Variants in CRADD observed in about 807,000 individuals in gnomAD.
The protein encoded by CRADD is CARD and death domain containing adaptor protein.
A neutral mutation model predicts 15.5 loss-of-function variants in CRADD; 9 were observed. The observed-to-expected ratio is 0.58, with a 90% CI of 0.35 to 1.01. CRADD has a LOEUF of 1.01. CRADD is among the 50% of genes least tolerant of loss of function. The pLI, the probability that CRADD is intolerant of heterozygous loss-of-function variation, is 0.02. For missense variants in CRADD, 227 were observed against 250.3 expected (o/e 0.91, Z 0.63); for synonymous variants, 118 against 107.6 (o/e 1.10, Z -0.60).
chr12:93,773,397 C>G lies in CRADD; in HGVS notation c.299-76573C>G, dbSNP rs528834994. Among the ~76,000 whole-genome samples, 4 of 152,176 alleles carry G rather than the reference C, an allele frequency of 2.6e-5. No individual in the cohort carries two copies. In the East Asian group the frequency reaches 7.7e-4, roughly 29 times the overall value. On this transcript the variant is annotated intron_variant, in intron 2 of 2. Coordinates refer to ENST00000332896, the MANE Select transcript of CRADD (RefSeq NM_003805.5). ...TGATGATTATATAAGGGGGAGTTTC[C>G]CTGCACAAGCTCTCATCTGGTCTGC...
At chr12:93,733,876 C>T (rs1041819239) in intron 2 of CRADD, among the ~76,000 whole-genome samples, 3 of 151,958 alleles carry the variant, frequency 2.0e-5, no homozygotes, top group Admixed American at 6.6e-5. Context: ...GCTGTTACTA[C>T]AGGCATGCGC....
At chr12:93,683,625 C>T (rs1389193010) in intron 2 of CRADD, among the ~76,000 whole-genome samples, 1 of 152,222 alleles carries the variant, frequency 6.6e-6, no homozygotes, top group East Asian at 1.9e-4. Context: ...CATTTCCCCT[C>T]TACCTGTGGG....
intron 2 of CRADD, among the ~76,000 whole-genome samples, chr12:93,840,146 TAATTGTCAC>T (rs1958030126): frequency 6.6e-6 from 1 of 152,216 alleles, no homozygotes; most frequent in African/African-American, 2.4e-5. Flanking sequence ...TATGGAATTT[TAATTGTCAC>T]AATAGGAATT....
intron 2 of CRADD, among the ~76,000 whole-genome samples, chr12:93,890,763 C>CT (rs571133896): frequency 0.099 from 14,261 of 144,232 alleles, 805 homozygotes; most frequent in African/African-American, 0.13. Context: ...TTCTTTCTTT[C>CT]TTTTTTTTTT....
intron 2 of CRADD, among the ~76,000 whole-genome samples, chr12:93,876,099 A>G (rs1958456422): frequency 1.3e-5 from 2 of 152,112 alleles, no homozygotes; most frequent in South Asian, 4.1e-4. Flanking sequence ...GTAAAAGTGT[A>G]TTTTCTTCTT....
intron 2 of CRADD, among the ~76,000 whole-genome samples, chr12:93,888,860 C>G (rs955465165): frequency 1.3e-5 from 2 of 152,188 alleles, no homozygotes; most frequent in African/African-American, 4.8e-5. Context: ...TCAAGAATGG[C>G]TTCCAGGTTT....
downstream of CRADD, among the ~76,000 whole-genome samples, chr12:93,851,009 C>G (rs78567878): frequency 3.7e-3 from 562 of 152,194 alleles, 3 homozygotes; most frequent in African/African-American, 0.012. Flanking sequence ...AAAGATCGCT[C>G]GAGAAAATCC....
chr12:93,843,582 G>T (rs1958075975), intron 2 of CRADD, among the ~76,000 whole-genome samples: 1 of 151,784 alleles, frequency 6.6e-6, no homozygotes, highest in South Asian at 2.1e-4. Flanking sequence ...GTTTCAGCAT[G>T]TATGCCAGGC....
intron 2 of CRADD, among the ~76,000 whole-genome samples, chr12:93,742,849 C>G (rs1482974446): frequency 1.3e-5 from 2 of 152,128 alleles, no homozygotes; most frequent in East Asian, 1.9e-4. Context: ...TGTGCGGCTC[C>G]AGATCCTGAA....
chr12:93,784,311 CA>C (rs1957248379), intron 2 of CRADD, among the ~76,000 whole-genome samples: 1 of 152,070 alleles, frequency 6.6e-6, no homozygotes, highest in Non-Finnish European at 1.5e-5. Context: ...TATGGTATGA[CA>C]GGCACTGCAC....
intron 2 of CRADD, among the ~76,000 whole-genome samples, chr12:93,711,055 C>CCTTTT: frequency 2.3e-5 from 1 of 43,508 alleles, no homozygotes; most frequent in East Asian, 1.0e-3. Flanking sequence ...CCACCCCCGC[C>CCTTTT]TTTTTTTTTT....
intron 2 of CRADD, among the ~76,000 whole-genome samples, chr12:93,802,428 C>T (rs1469020550): frequency 6.6e-6 from 1 of 152,114 alleles, no homozygotes; most frequent in Non-Finnish European, 1.5e-5. Context: ...TCATGTCAGC[C>T]ATCATCATAT....
chr12:93,755,632 A>G (rs1441990434), intron 2 of CRADD, among the ~76,000 whole-genome samples: 1 of 152,190 alleles, frequency 6.6e-6, no homozygotes, highest in East Asian at 1.9e-4. Flanking sequence ...CTTTAGGTGT[A>G]ATTCATTGGA....
intron 2 of CRADD, among the ~76,000 whole-genome samples, chr12:93,795,670 A>G (rs995920252): frequency 2.0e-5 from 3 of 152,112 alleles, no homozygotes; most frequent in Non-Finnish European, 2.9e-5. Flanking sequence ...TTAGTTGTCA[A>G]ATTGCTCCTT....
In CRADD at chr12:93,684,044, A is replaced by G. The variant is rs374735477; in HGVS notation, c.298+4972A>G. On this transcript the variant is annotated intron_variant, in intron 2 of 2. Coordinates refer to ENST00000332896, the MANE Select transcript of CRADD (RefSeq NM_003805.5). Reference sequence around the variant, plus strand: ...TAAAGGGAGAGTCTGCAGAGGGCCCAGGTTTCTGTGTATACCCAGCCCGAT... The same window carrying G: ...TAAAGGGAGAGTCTGCAGAGGGCCCGGGTTTCTGTGTATACCCAGCCCGAT... Among the ~76,000 whole-genome samples the G allele has an allele frequency of 3.9e-5, 6 of 152,266 alleles. No individual in the cohort carries two copies. In the South Asian group the frequency reaches 8.3e-4, roughly 21 times the overall value.
At chr12:93,773,345 G>A (rs1592977631) in intron 2 of CRADD, among the ~76,000 whole-genome samples, 1 of 152,130 alleles carries the variant, frequency 6.6e-6, no homozygotes, top group African/African-American at 2.4e-5. Flanking sequence ...TGCTGTTCTG[G>A]TGGTGACGAA....
intron 2 of CRADD, among the ~76,000 whole-genome samples, chr12:93,874,386 A>T (rs1175213784): frequency 6.6e-6 from 1 of 151,492 alleles, no homozygotes; most frequent in Admixed American, 6.6e-5. Context: ...TTAAACATCA[A>T]CTTTTTGTTT....
rs571654795 is a variant in CRADD at position 93,845,480 on chromosome 12, T to C, written c.299-4490T>C. ...GGTTCACACCTGTAATCCCAAAACTTTGGGAGGCTGGGTCACGAGGATCAG... is the reference window on the plus strand; with the variant it reads ...GGTTCACACCTGTAATCCCAAAACTCTGGGAGGCTGGGTCACGAGGATCAG... On this transcript the variant is annotated intron_variant, in intron 2 of 2. Coordinates refer to ENST00000332896, the MANE Select transcript of CRADD (RefSeq NM_003805.5). Among the ~76,000 whole-genome samples, 139 of 152,074 alleles carry C rather than the reference T, an allele frequency of 9.1e-4. 1 individual carries two copies. The highest frequency in any genetic ancestry group is 3.4e-3 in the Middle Eastern group (1 of 294).
At chr12:93,894,498 C>T (rs1398862314) in exon 3 of CRADD, 9 of 207,082 alleles carry the variant, frequency 4.3e-5, no homozygotes, top group Non-Finnish European at 8.0e-5. Context: ...GGCCTCTCTC[C>T]TGTGGCTGCC....
Sources: allele counts gnomAD v4.1 joint callset (sites outside exome capture counted in the v4.1 genomes callset), GRCh38; gene constraint gnomAD v4.1.1; transcripts MANE v1.5; gene names NCBI Gene and HGNC (gene_info 2026-07-23, HGNC 2026-07-21).